LRMDA: variants seen among roughly 807,000 people sequenced by gnomAD.
The protein encoded by LRMDA is leucine-rich melanocyte differentiation-associated protein.
In LRMDA, 18 loss-of-function variants were observed where a neutral mutation model predicts 29.8. That is an observed-to-expected ratio of 0.60 (90% confidence interval 0.42 to 0.90). LRMDA has a LOEUF of 0.90. Among genes scored for constraint, LRMDA ranks in the 40% least tolerant of loss-of-function variants. LRMDA has a pLI of 0.00. For synonymous variants in LRMDA, 125 were observed against 109.4 expected (o/e 1.14, Z -0.89); for missense variants, 273 against 273.9 (o/e 1.00, Z 0.02).
intron 5 of LRMDA, 50 bp from the exon 6 acceptor site, chr10:76,324,351 G>C: frequency 6.8e-7 from 1 of 1,473,306 alleles, no homozygotes; most frequent in Non-Finnish European, 9.5e-7. Flanking sequence ...AGGGTATTTG[G>C]TATTTGGTGT....
intron 6 of LRMDA, among the ~76,000 whole-genome samples, chr10:76,514,561 T>C (rs1843040752): frequency 6.6e-6 from 1 of 152,104 alleles, no homozygotes; most frequent in South Asian, 2.1e-4. Context: ...GCAAAAGCCT[T>C]TGGTTTTTTA....
intron 2 of LRMDA, among the ~76,000 whole-genome samples, chr10:75,962,184 A>T (rs1194749106): frequency 1.3e-5 from 2 of 152,168 alleles, no homozygotes; most frequent in East Asian, 3.8e-4. Context: ...ACATGATTCC[A>T]CTCATAACAA....
intron 2 of LRMDA, among the ~76,000 whole-genome samples, chr10:75,971,775 G>A (rs548604646): frequency 1.3e-5 from 2 of 152,248 alleles, no homozygotes; most frequent in South Asian, 4.2e-4. Context: ...CTTGACCTGT[G>A]GGTGAGATTG....
At chr10:75,783,222 A>G (rs192996076) in intron 2 of LRMDA, among the ~76,000 whole-genome samples, 2 of 152,340 alleles carry the variant, frequency 1.3e-5, no homozygotes, top group Admixed American at 1.3e-4. Flanking sequence ...TGAAATTAAT[A>G]TGCAGTATCC....
rs987142071 is a variant in LRMDA at position 76,385,751 on chromosome 10, T to C, written c.601+61266T>C. On this transcript the variant is annotated intron_variant, in intron 6 of 6. Coordinates refer to ENST00000611255, the MANE Select transcript of LRMDA (RefSeq NM_001305581.2). ...GAACTCTTTCTTCTTTGACTCTCTA[T>C]AGCACTCAGGTGCTTCTTCATTCAT... 6.6e-5 allele frequency among the ~76,000 whole-genome samples: 10 copies of C among 152,346 alleles called. No individual in the cohort carries two copies. In the East Asian group the frequency reaches 1.2e-3, roughly 18 times the overall value.
intron 2 of LRMDA, among the ~76,000 whole-genome samples, chr10:75,981,858 A>C (rs997158453): frequency 6.6e-6 from 1 of 152,066 alleles, no homozygotes; most frequent in Non-Finnish European, 1.5e-5. Flanking sequence ...CTCAAAAAAA[A>C]AAAAAAAAAA....
At chr10:75,456,951 T>C (rs905295981) in intron 2 of LRMDA, among the ~76,000 whole-genome samples, 6 of 152,162 alleles carry the variant, frequency 3.9e-5, no homozygotes, top group African/African-American at 1.4e-4. Flanking sequence ...GCCAGGATTA[T>C]AGGCATGAGT....
chr10:75,670,413 T>C (rs1269502918), intron 2 of LRMDA, among the ~76,000 whole-genome samples: 1 of 152,116 alleles, frequency 6.6e-6, no homozygotes, highest in Non-Finnish European at 1.5e-5. Context: ...TAAAAGTAAA[T>C]AGAAAAACAT....
chr10:76,111,810 G>C (rs1032807730), intron 5 of LRMDA, among the ~76,000 whole-genome samples: 16 of 33,430 alleles, frequency 4.8e-4, no homozygotes, highest in Admixed American at 2.2e-3. Context: ...AAATGGGGGT[G>C]GGGGGGGGCG....
chr10:75,574,247 C>A (rs1564804337), intron 2 of LRMDA, among the ~76,000 whole-genome samples: 1 of 152,154 alleles, frequency 6.6e-6, no homozygotes, highest in African/African-American at 2.4e-5. Context: ...TTTTAGTCTT[C>A]TTTTCCCACT....
chr10:75,578,740 G>A (rs552350882), intron 2 of LRMDA, among the ~76,000 whole-genome samples: 14 of 151,090 alleles, frequency 9.3e-5, no homozygotes, highest in South Asian at 4.2e-4. Flanking sequence ...ATTAAGAAAC[G>A]CACTCAAAAC....
chr10:76,134,584 C>T (rs1234873571), intron 5 of LRMDA, among the ~76,000 whole-genome samples: 1 of 152,118 alleles, frequency 6.6e-6, no homozygotes, highest in Non-Finnish European at 1.5e-5. Context: ...GAGCTGATCT[C>T]TATTAATTCA....
intron 2 of LRMDA, among the ~76,000 whole-genome samples, chr10:76,028,324 A>G (rs1848094754): frequency 6.6e-6 from 1 of 152,164 alleles, no homozygotes; most frequent in Admixed American, 6.5e-5. Context: ...GGTTTTCCTT[A>G]ATGATTTATA....
chr10:75,972,314 A>G (rs1452223139), intron 2 of LRMDA, among the ~76,000 whole-genome samples: 3 of 151,950 alleles, frequency 2.0e-5, no homozygotes, highest in Non-Finnish European at 4.4e-5. Flanking sequence ...AAAGAGCGAG[A>G]AAACCTCTCC....
At chr10:75,763,222 A>C (rs868087330) in intron 2 of LRMDA, among the ~76,000 whole-genome samples, 4 of 152,244 alleles carry the variant, frequency 2.6e-5, no homozygotes, top group African/African-American at 9.6e-5. Flanking sequence ...ATAGTGAATA[A>C]GAAAATTTAA....
At chr10:75,954,005 G>C (rs2132422463) in intron 2 of LRMDA, among the ~76,000 whole-genome samples, 1 of 152,320 alleles carries the variant, frequency 6.6e-6, no homozygotes, top group East Asian at 1.9e-4. Context: ...GAGAGAGAGG[G>C]ATTTGACATG....
chr10:76,196,393 A>T (rs971742276), intron 5 of LRMDA, among the ~76,000 whole-genome samples: 1 of 152,230 alleles, frequency 6.6e-6, no homozygotes, highest in African/African-American at 2.4e-5. Context: ...AGCATAATTG[A>T]AATCTCTGTT....
intron 2 of LRMDA, among the ~76,000 whole-genome samples, chr10:75,743,266 G>A (rs1278093605): frequency 6.6e-6 from 1 of 152,104 alleles, no homozygotes; most frequent in Non-Finnish European, 1.5e-5. Flanking sequence ...CAGTTAATCC[G>A]AATTACTGAG....
At chr10:75,584,365 G>T in intron 2 of LRMDA, among the ~76,000 whole-genome samples, 1 of 152,074 alleles carries the variant, frequency 6.6e-6, no homozygotes, top group South Asian at 2.1e-4. Context: ...TGTTTCTACT[G>T]CTCTCCATGT....
Sources: allele counts gnomAD v4.1 joint callset (sites outside exome capture counted in the v4.1 genomes callset), GRCh38; gene constraint gnomAD v4.1.1; transcripts MANE v1.5; gene names NCBI Gene and HGNC (gene_info 2026-07-23, HGNC 2026-07-21).